The following SMIM35 variants were observed in gnomAD, a reference collection of about 807,000 sequenced individuals.
The protein encoded by SMIM35 is small integral membrane protein 35.
At chr11:118,042,860 AATTCTTGTAACAC>A (rs1944028095) in intron 1 of SMIM35, among the ~76,000 whole-genome samples, 1 of 152,278 alleles carries the variant, frequency 6.6e-6, no homozygotes, top group Non-Finnish European at 1.5e-5. Context: ...TCTGAAAATC[AATTCTTGTAACAC>A]ATCGTACCAG....
At chr11:118,068,640 A>C (rs576188645) in intron 1 of SMIM35, among the ~76,000 whole-genome samples, 2 of 152,302 alleles carry the variant, frequency 1.3e-5, no homozygotes, top group South Asian at 4.1e-4. Flanking sequence ...GCAAGGATGA[A>C]GGAGGGAGGC....
intron 4 of SMIM35, among the ~76,000 whole-genome samples, chr11:118,012,239 C>A (rs1591273546): frequency 6.6e-6 from 1 of 152,188 alleles, no homozygotes; most frequent in Admixed American, 6.5e-5. Context: ...TCCACAGGAG[C>A]CCCGAGGACT....
At chr11:118,014,312 G>A (rs1405180642) in intron 3 of SMIM35, among the ~76,000 whole-genome samples, 2 of 151,546 alleles carry the variant, frequency 1.3e-5, no homozygotes, top group Non-Finnish European at 3.0e-5. Flanking sequence ...AAGGAAAGAA[G>A]GAAGGAAGGA....
At chr11:118,030,970 G>T (rs2135056741) in intron 1 of SMIM35, among the ~76,000 whole-genome samples, 1 of 152,098 alleles carries the variant, frequency 6.6e-6, no homozygotes, top group South Asian at 2.1e-4. Flanking sequence ...GTGCTAGAGA[G>T]GACATGGCAG....
At chr11:118,077,294 A>T (rs1412434444) in intron 1 of SMIM35, 1 of 1,602,452 alleles carries the variant, frequency 6.2e-7, no homozygotes, top group Non-Finnish European at 8.5e-7. Flanking sequence ...GGAGGATCAC[A>T]GAGCCAGCAT....
intron 1 of SMIM35, among the ~76,000 whole-genome samples, chr11:118,049,339 ATTTTTTTT>A (rs398017739): frequency 4.8e-5 from 4 of 83,992 alleles, no homozygotes; most frequent in African/African-American, 1.5e-4. Flanking sequence ...TCCACCCTTA[ATTTTTTTT>A]TTTTTTTTTT....
At chr11:118,063,569 T>C (rs1944424842) in intron 1 of SMIM35, among the ~76,000 whole-genome samples, 1 of 152,166 alleles carries the variant, frequency 6.6e-6, no homozygotes, top group South Asian at 2.1e-4. Context: ...GACTGAGGCC[T>C]GGAAGGGCCT....
At chr11:118,078,712 C>G (rs1331652384) in intron 1 of SMIM35, among the ~76,000 whole-genome samples, 2 of 152,080 alleles carry the variant, frequency 1.3e-5, no homozygotes, top group Non-Finnish European at 2.9e-5. Context: ...GGGGGAGCAA[C>G]AGAGAAGGGA....
At chr11:118,034,687 G>A (rs2058345543) in intron 1 of SMIM35, among the ~76,000 whole-genome samples, 1 of 152,244 alleles carries the variant, frequency 6.6e-6, no homozygotes, top group South Asian at 2.1e-4. Flanking sequence ...ATGGGTGACA[G>A]AGCGAGATCC....
Position 118,077,158 on chromosome 11 carries a change from C to A in SMIM35, c.7+9593G>T. 5.4e-6 allele frequency: 5 copies of A among 923,132 alleles called. No individual in the cohort carries two copies. The South Asian group carries it at 8.7e-5, about 16-fold the overall frequency. The allele number at this position is 923,132 out of a possible 1,614,324, so 57.2% of individuals were successfully genotyped here. A position where few individuals can be genotyped will look rare whatever the true frequency, so the allele number is the denominator to read the frequency against. ...GCGTGAGGGACCAAGGCCTGCCCTG[C>A]ACTCGGGCCTCCTCCAGCCAGTGCT... On this transcript the variant is annotated intron_variant, in intron 1 of 4. Transcript: ENST00000689828.
intron 4 of SMIM35, among the ~76,000 whole-genome samples, chr11:118,012,944 T>C (rs553100957): frequency 6.6e-6 from 1 of 152,330 alleles, no homozygotes; most frequent in South Asian, 2.1e-4. Context: ...TTGCCCACAC[T>C]GGACTGCACT....
chr11:118,028,863 A>T, intron 1 of SMIM35: 1 of 448,818 alleles, frequency 2.2e-6, no homozygotes, highest in Non-Finnish European at 4.5e-6. Context: ...GAGGAAGAAG[A>T]AGAAAAAAGT....
At chr11:118,082,656 T>C (rs2135231089) in intron 1 of SMIM35, among the ~76,000 whole-genome samples, 1 of 152,228 alleles carries the variant, frequency 6.6e-6, no homozygotes, top group South Asian at 2.1e-4. Flanking sequence ...CCAGTAGCTA[T>C]AATTAACTTA....
intron 1 of SMIM35, among the ~76,000 whole-genome samples, chr11:118,085,997 C>T (rs879769652): frequency 3.9e-5 from 6 of 152,240 alleles, no homozygotes; most frequent in Admixed American, 3.9e-4. Flanking sequence ...CTAAGCACTG[C>T]AGTAAACAGC....
chr11:118,017,209 C>G (rs991326123), intron 1 of SMIM35, among the ~76,000 whole-genome samples: 1 of 152,166 alleles, frequency 6.6e-6, no homozygotes, highest in African/African-American at 2.4e-5. Context: ...TACAAAGATG[C>G]CGATGGGTCC....
chr11:118,068,509 G>A (rs1215680002), intron 1 of SMIM35, among the ~76,000 whole-genome samples: 2 of 152,180 alleles, frequency 1.3e-5, no homozygotes, highest in African/African-American at 2.4e-5. Flanking sequence ...ATGAAGGAGA[G>A]GCTTTTACAG....
intron 1 of SMIM35, among the ~76,000 whole-genome samples, chr11:118,044,314 TG>T (rs1565389779): frequency 2.0e-5 from 1 of 49,192 alleles, no homozygotes. Flanking sequence ...CTGGCAGAAT[TG>T]AAAAAAAAAA....
intron 4 of SMIM35, among the ~76,000 whole-genome samples, chr11:118,007,933 A>C (rs1017508890): frequency 4.0e-5 from 6 of 151,168 alleles, no homozygotes; most frequent in Admixed American, 1.3e-4. Context: ...CCAGTGGCAC[A>C]ATCTCAGCTC....
intron 1 of SMIM35, among the ~76,000 whole-genome samples, chr11:118,069,890 C>A (rs1214579429): frequency 6.6e-6 from 1 of 152,000 alleles, no homozygotes; most frequent in Non-Finnish European, 1.5e-5. Context: ...GGCAAAACCC[C>A]GTCTCTGCTA....
Sources: gnomAD v4.1 joint callset for allele counts (sites outside exome capture counted in the v4.1 genomes callset) on GRCh38, gnomAD v4.1.1 for gene constraint, MANE v1.5 for transcripts, NCBI Gene and HGNC (gene_info 2026-07-23, HGNC 2026-07-21) for gene names.